Variants in ADAM15 observed in about 807,000 individuals in gnomAD.
ADAM15 encodes the protein ADAM metallopeptidase domain 15.
Under a neutral mutation model 113.8 loss-of-function variants are expected in ADAM15, and 77 were observed. The observed-to-expected ratio is 0.68, with a 90% confidence interval of 0.56 to 0.82. ADAM15 has a LOEUF of 0.82. Ranked by LOEUF, ADAM15 falls within the 40% of genes least tolerant of loss-of-function variation. The pLI, the probability that ADAM15 is intolerant of heterozygous loss-of-function variation, is 0.00. For synonymous variants in ADAM15, 388 were observed against 454.1 expected (o/e 0.85, Z 1.85); for missense variants, 963 against 1,120.1 (o/e 0.86, Z 2.00).
chr1:155,053,278 T>G, intron 2 of ADAM15, 139 bp from the exon 3 acceptor site: 1 of 769,910 alleles, frequency 1.3e-6, no homozygotes, highest in Non-Finnish European at 2.2e-6. Flanking sequence ...CCAGGCAGGG[T>G]TTCCTGGCCC....
In ADAM15 at chr1:155,055,800, T is replaced by C. The variant is rs776886651; in HGVS notation, c.623T>C (p.Val208Ala). 6.2e-7 allele frequency: 1 copy of C among 1,614,174 alleles called. No individual in the cohort carries two copies. The highest frequency in any genetic ancestry group is 2.2e-5 in the East Asian group (1 of 44,872). ...GQRHIRRRRD[V>A]VTETKTVELV... ...TCTTGTCCATAGTAGAGGCGGGATG[T>C]GGTAACAGAGACCAAGACTGTGGAG... Residue 208 changes from valine (V) to alanine (A), a missense_variant, in exon 7 of 23, where the codon GTG (valine) becomes GCG (alanine). Val to Ala is a moderately conservative substitution (Grantham distance 64). Coordinates refer to ENST00000356955, the MANE Select transcript of ADAM15 (RefSeq NM_207197.3).
chr1:155,061,353 C>A, intron 19 of ADAM15, 62 bp from the exon 20 acceptor site: 1 of 1,450,180 alleles, frequency 6.9e-7, no homozygotes, highest in Non-Finnish European at 9.6e-7. Context: ...CCTTCCCTGC[C>A]CACTCTGTCT....
At chr1:155,060,626 C>G (rs911886915) in intron 18 of ADAM15, 137 bp from the exon 19 acceptor site, 40 of 1,006,700 alleles carry the variant, frequency 4.0e-5, no homozygotes, top group Non-Finnish European at 5.1e-5. Flanking sequence ...TACTGCCCCC[C>G]ACCCCGGCCC....
In ADAM15 at chr1:155,062,472, G is replaced by T. The variant is rs771176567; in HGVS notation, c.2562G>T (p.Pro854=). 1.2e-6 allele frequency: 2 copies of T among 1,613,382 alleles called. No individual in the cohort carries two copies. Among genetic ancestry groups the T allele is most frequent in the South Asian group, 2.2e-5 (2 of 91,062 alleles). ...TCCCGCAATCCAGACCAGCGCCACC[G>T]CCTCCGACAGTGTCCTCGCTCTACC... The part of the protein sequence containing the change: ...PLVVPSRPAP[P]PPTVSSLYL Residue 854 remains proline, a synonymous_variant, in exon 23 of 23, where the codon CCG becomes CCT. Coordinates refer to ENST00000356955, the MANE Select transcript of ADAM15 (RefSeq NM_207197.3). The surrounding 1 kb of genome is among the most constrained non-coding windows in gnomAD (Gnocchi z 7.0).
In ADAM15 at chr1:155,057,425, C is replaced by T. The variant is rs1661918771; in HGVS notation, c.1323+63C>T. The T allele has an allele frequency of 6.3e-7, 1 of 1,594,546 alleles. No individual in the cohort carries two copies. Among genetic ancestry groups the T allele is most frequent in the Middle Eastern group, 1.7e-4 (1 of 5,980 alleles). On this transcript the variant is annotated intron_variant, in intron 12 of 22. Coordinates refer to ENST00000356955, the MANE Select transcript of ADAM15 (RefSeq NM_207197.3). The surrounding 1 kb of genome is among the most constrained non-coding windows in gnomAD (Gnocchi z 5.0). ...TGTACCCTCACCCTGGCTCATTAGC[C>T]CTATCCCAGCCTCCTGAGCTCTTGG...
At chr1:155,061,604 C>A in intron 20 of ADAM15, 115 bp downstream of exon 20, 1 of 1,173,648 alleles carries the variant, frequency 8.5e-7, no homozygotes, top group Non-Finnish European at 1.2e-6. Flanking sequence ...GATCGGGGTG[C>A]CCCTCAGCCT....
Position 155,062,561 on chromosome 1 carries a change from C to T in ADAM15, c.*59C>T. On this transcript the variant is annotated 3_prime_UTR_variant, in exon 23 of 23. Transcript: ENST00000356955. This position sits in a 1 kb window ranked among gnomAD's most constrained non-coding sequence, Gnocchi z 7.0. ...CTTAGGGCTTCAAGAGGCGGGCGTGCCCTCTGGAGTCCCCTACCATGACTG... is the reference window on the plus strand; with the variant it reads ...CTTAGGGCTTCAAGAGGCGGGCGTGTCCTCTGGAGTCCCCTACCATGACTG... 6.3e-7 allele frequency: 1 copy of T among 1,588,906 alleles called. No individual in the cohort carries two copies. Among genetic ancestry groups the T allele is most frequent in the Non-Finnish European group, 8.6e-7 (1 of 1,167,240 alleles).
Position 155,059,988 on chromosome 1 carries a change from G to T in ADAM15, c.2068+14G>T. On this transcript the variant is annotated intron_variant, in intron 17 of 22. Coordinates refer to ENST00000356955, the MANE Select transcript of ADAM15 (RefSeq NM_207197.3). ...CTCAGCTCAAAGGTAGCATGGGGGTGGGGGACAGGGGCAGCTGGGAGGGCA... is the reference window on the plus strand; with the variant it reads ...CTCAGCTCAAAGGTAGCATGGGGGTTGGGGACAGGGGCAGCTGGGAGGGCA... The T allele has an allele frequency of 6.2e-7, 1 of 1,613,698 alleles. No homozygotes were observed. Among genetic ancestry groups the T allele is most frequent in the East Asian group, 2.2e-5 (1 of 44,876 alleles).
At chr1:155,052,976 ATCTG>A (rs1355086725) in intron 2 of ADAM15, among the ~76,000 whole-genome samples, 199 bp downstream of exon 2, 1 of 152,114 alleles carries the variant, frequency 6.6e-6, no homozygotes, top group Non-Finnish European at 1.5e-5. Flanking sequence ...ACACACGTGT[ATCTG>A]TCTGCCTCAG....
Position 155,056,936 on chromosome 1 carries a change from C to G in ADAM15, c.1000-17C>G, listed in dbSNP as rs772145588. 2.6e-6 allele frequency: 4 copies of G among 1,541,542 alleles called. No homozygotes were observed. The East Asian group carries it at 9.0e-5, about 35-fold the overall frequency. ...GCAGGCTGGGACTGGACCTACAGTA[C>G]CCCTCCCCAATGACAGGACCACTCC... is the stretch of plus-strand genomic sequence containing the variant. On this transcript the variant is annotated splice_polypyrimidine_tract_variant and intron_variant, in intron 10 of 22. Coordinates refer to ENST00000356955, the MANE Select transcript of ADAM15 (RefSeq NM_207197.3). The surrounding 1 kb of genome is among the most constrained non-coding windows in gnomAD (Gnocchi z 4.0).
In ADAM15 at chr1:155,062,034, G is replaced by A; in HGVS notation, c.2424+59G>A. ...CCCCCCACCTAGGGCTGTGGTGCTG[G>A]TAGCCATGACGGTGGTGGCCGTGGC... On this transcript the variant is annotated intron_variant, in intron 21 of 22. Transcript: ENST00000356955. This position sits in a 1 kb window ranked among gnomAD's most constrained non-coding sequence, Gnocchi z 7.0. 1 of 1,490,536 alleles carries A rather than the reference G, an allele frequency of 6.7e-7. No individual in the cohort carries two copies. Among genetic ancestry groups the A allele is most frequent in the Non-Finnish European group, 8.9e-7 (1 of 1,117,636 alleles). The allele number at this position is 1,490,536 out of a possible 1,614,324, so 92.3% of individuals were successfully genotyped here. A position where few individuals can be genotyped will look rare whatever the true frequency, so the allele number is the denominator to read the frequency against.
In ADAM15 at chr1:155,058,357, C is replaced by T; in HGVS notation, c.1833C>T (p.Asn611=). ...TAGATGTGAATGGGACTGAGCTGAA[C>T]TGCAGCTGGGTGCACCTGGACCTGG... is the stretch of plus-strand genomic sequence containing the variant. The part of the protein sequence containing the change: ...ETIDVNGTEL[N]CSWVHLDLGS... The change falls in exon 15 of 23, where the codon AAC becomes AAT. Residue 611 remains asparagine (N), a synonymous_variant. Transcript: ENST00000356955. This position sits in a 1 kb window ranked among gnomAD's most constrained non-coding sequence, Gnocchi z 4.3. 2 of 1,614,066 alleles carry T rather than the reference C, an allele frequency of 1.2e-6. No individual in the cohort carries two copies. The highest frequency in any genetic ancestry group is 1.7e-6 in the Non-Finnish European group (2 of 1,180,040).
chr1:155,057,505 C>G lies in ADAM15; in HGVS notation c.1324-132C>G. On this transcript the variant is annotated intron_variant, in intron 12 of 22. Transcript: ENST00000356955. The surrounding 1 kb of genome is among the most constrained non-coding windows in gnomAD (Gnocchi z 5.0). Reference sequence around the variant, plus strand: ...ACTTGCCCTGTCTGTGGGGACAGCACATGGGTTGTTGGGCTCTAGCCCTCG... The same window carrying G: ...ACTTGCCCTGTCTGTGGGGACAGCAGATGGGTTGTTGGGCTCTAGCCCTCG... 6.7e-7 allele frequency: 1 copy of G among 1,483,446 alleles called. No homozygotes were observed. Among genetic ancestry groups the G allele is most frequent in the Admixed American group, 1.8e-5 (1 of 54,950 alleles). 91.9% of individuals were successfully genotyped at this position (1,483,446 alleles called of 1,614,324 possible). A position where few individuals can be genotyped will look rare whatever the true frequency, so the allele number is the denominator to read the frequency against.
In ADAM15 at chr1:155,062,529, A is replaced by C. The variant is rs761171538; in HGVS notation, c.*27A>C. The C allele has an allele frequency of 1.2e-6, 2 of 1,611,102 alleles. No homozygotes were observed. Among genetic ancestry groups the C allele is most frequent in the Non-Finnish European group, 1.7e-6 (2 of 1,179,014 alleles). ...CTCTCCGGAGGTTCCGCTGCCTCCA[A>C]GCCGGACTTAGGGCTTCAAGAGGCG... On this transcript the variant is annotated 3_prime_UTR_variant, in exon 23 of 23. Transcript: ENST00000356955. The surrounding 1 kb of genome is among the most constrained non-coding windows in gnomAD (Gnocchi z 7.0).
chr1:155,052,440 G>A (rs1558117759), intron 1 of ADAM15: 9 of 1,481,622 alleles, frequency 6.1e-6, no homozygotes, highest in African/African-American at 1.4e-5. Flanking sequence ...TGCGCAAGCC[G>A]AAAGTCTTTC....
At position 155,060,588 on chromosome 1, in the gene ADAM15, A is replaced by C. The variant is rs377332276; in HGVS notation, c.2208-175A>C. 4.6e-5 allele frequency among the ~76,000 whole-genome samples: 7 copies of C among 152,210 alleles called. No individual in the cohort carries two copies. The East Asian group carries it at 9.7e-4, about 21-fold the overall frequency. ...CTCCCCAGGAGCCCCTGTGCTGGAT[A>C]AGTAGGGTCTTCCCTCAAGCTAATA... is the stretch of plus-strand genomic sequence containing the variant. On this transcript the variant is annotated intron_variant, in intron 18 of 22. Coordinates refer to ENST00000356955, the MANE Select transcript of ADAM15 (RefSeq NM_207197.3).
At position 155,061,897 on chromosome 1, in the gene ADAM15, T is replaced by C. The variant is rs1241076997; in HGVS notation, c.2353-7T>C. 6.6e-7 allele frequency: 1 copy of C among 1,517,706 alleles called. No individual in the cohort carries two copies. The highest frequency in any genetic ancestry group is 1.3e-5 in the South Asian group (1 of 77,348). The allele number at this position is 1,517,706 out of a possible 1,614,324, so 94.0% of individuals were successfully genotyped here. On this transcript the variant is annotated splice_region_variant and splice_polypyrimidine_tract_variant and intron_variant, in intron 20 of 22. Coordinates refer to ENST00000356955, the MANE Select transcript of ADAM15 (RefSeq NM_207197.3). The stretch of plus-strand genomic sequence containing the variant: ...CTCTCACAGCCACTGCCCCTCTCTC[T>C]GTTCAGGCTGAGCTGGCTGACCGAC...
rs750901317 is a variant in ADAM15 at position 155,057,961 on chromosome 1, C to T, written c.1527C>T (p.Gly509=). 1.4e-5 allele frequency: 22 copies of T among 1,612,492 alleles called. No individual in the cohort carries two copies. Among genetic ancestry groups the T allele is most frequent in the Admixed American group, 6.7e-5 (4 of 60,008 alleles). Residue 509 remains glycine, a synonymous_variant, in exon 14 of 23, where the codon GGC becomes GGT. Transcript: ENST00000356955. This position sits in a 1 kb window ranked among gnomAD's most constrained non-coding sequence, Gnocchi z 5.0. ...CCCCTGATGTCAGCCTAGGGGATGG[C>T]GAGCCCTGCGCTGGCGGGCAAGCTG... ...QCPPDVSLGD[G]EPCAGGQAVC...
chr1:155,061,386 G>A, intron 19 of ADAM15, 29 bp from the exon 20 acceptor site: 1 of 1,601,658 alleles, frequency 6.2e-7, no homozygotes, highest in Non-Finnish European at 8.5e-7. Context: ...TTCCCCCTCT[G>A]TGCCTATCTG....
Sources: gnomAD v4.1 joint callset for allele counts (sites outside exome capture counted in the v4.1 genomes callset) on GRCh38, gnomAD v4.1.1 for gene constraint, Gnocchi (gnomAD v3.1) non-coding constraint, MANE v1.5 for transcripts, NCBI Gene and HGNC (gene_info 2026-07-23, HGNC 2026-07-21) for gene names.